LCMT1: variants seen among roughly 807,000 people sequenced by gnomAD.
LCMT1 encodes the protein leucine carboxyl methyltransferase 1, also known as [Phosphatase 2A protein]-leucine-carboxy methyltransferase 1.
A neutral mutation model predicts 47.7 loss-of-function variants in LCMT1; 32 were observed. The ratio of observed to expected loss-of-function variants is 0.67; its 90% CI spans 0.51 to 0.90. LCMT1 has a LOEUF of 0.90. Among genes scored for constraint, LCMT1 ranks in the 40% least tolerant of loss-of-function variants. The probability of loss-of-function intolerance (pLI) is 0.00; values close to 1 mark genes in which losing one functional copy is unlikely to be tolerated. For missense variants in LCMT1, 375 were observed against 415.2 expected (o/e 0.90, Z 0.84); for synonymous variants, 152 against 149.7 (o/e 1.02, Z -0.11).
At chr16:25,157,581 G>A (rs2141692306) in intron 5 of LCMT1, among the ~76,000 whole-genome samples, 1 of 152,214 alleles carries the variant, frequency 6.6e-6, no homozygotes, top group Middle Eastern at 3.4e-3. Flanking sequence ...AACTGATTAG[G>A]ACGATAAAGT....
intron 5 of LCMT1, among the ~76,000 whole-genome samples, chr16:25,152,434 T>C (rs564558930): frequency 6.6e-6 from 1 of 152,276 alleles, no homozygotes; most frequent in South Asian, 2.1e-4. Flanking sequence ...TTTTAGTCTA[T>C]AGTAGACTTT....
chr16:25,135,979 TA>T (rs1960491444), intron 3 of LCMT1, among the ~76,000 whole-genome samples: 1 of 150,816 alleles, frequency 6.6e-6, no homozygotes, highest in South Asian at 2.1e-4. Flanking sequence ...TGGTCCCAGC[TA>T]CTTGGGAGGT....
chr16:25,163,885 G>A (rs973342788), intron 6 of LCMT1, among the ~76,000 whole-genome samples: 6 of 152,180 alleles, frequency 3.9e-5, no homozygotes, highest in Non-Finnish European at 8.8e-5. Context: ...TTAGCTGGAT[G>A]TTCTTCTGCA....
intron 4 of LCMT1, chr16:25,148,293 A>C (rs1960935517): frequency 6.6e-6 from 1 of 152,256 alleles, no homozygotes; most frequent in South Asian, 2.1e-4. Context: ...TTAAACATAC[A>C]AAAAGGAAAA....
intron 8 of LCMT1, 46 bp downstream of exon 8, chr16:25,169,259 C>A: frequency 2.4e-6 from 3 of 1,244,610 alleles, no homozygotes; most frequent in South Asian, 1.2e-5. Context: ...CTTAGTCAAC[C>A]AAGATATATA....
At chr16:25,143,267 C>G (rs147184301) in intron 4 of LCMT1, 1 of 152,264 alleles carries the variant, frequency 6.6e-6, no homozygotes, top group East Asian at 1.9e-4. Flanking sequence ...AGGGGCCCTG[C>G]GGACCCTGAG....
In LCMT1 at chr16:25,111,872, A is replaced by C. The variant is rs1488580362; in HGVS notation, c.-12A>C. ...TCCCTGGCGGACACAGCTCCCAGGA[A>C]CCTCCACGCCCATGGCCACTAGGCA... On this transcript the variant is annotated 5_prime_UTR_variant, in exon 1 of 11. Transcript: ENST00000399069. The C allele has an allele frequency of 6.3e-7, 1 of 1,587,820 alleles. No individual in the cohort carries two copies. Among genetic ancestry groups the C allele is most frequent in the Non-Finnish European group, 8.6e-7 (1 of 1,158,146 alleles).
At chr16:25,120,418 T>C (rs1490571356) in intron 1 of LCMT1, among the ~76,000 whole-genome samples, 1 of 150,558 alleles carries the variant, frequency 6.6e-6, no homozygotes, top group Non-Finnish European at 1.5e-5. Context: ...TTGATTTCTT[T>C]TTTTTTCTTT....
chr16:25,128,698 C>T (rs1270220082), intron 2 of LCMT1, 132 bp downstream of exon 2: 2 of 665,796 alleles, frequency 3.0e-6, no homozygotes, highest in Non-Finnish European at 5.2e-6. Context: ...CAGATCTTCA[C>T]CAACACGGTG....
rs1962018890 is a variant in LCMT1 at position 25,178,216 on chromosome 16, T to G, written c.*193T>G. 1 of 571,786 alleles carries G rather than the reference T, an allele frequency of 1.7e-6. No individual in the cohort carries two copies. The highest frequency in any genetic ancestry group is 3.5e-5 in the Admixed American group (1 of 28,578). 35.4% of individuals were successfully genotyped at this position (571,786 alleles called of 1,614,324 possible). On this transcript the variant is annotated 3_prime_UTR_variant, in exon 11 of 11. Transcript: ENST00000399069. ...TGACATGTCGTTGTTTAAATAAATC[T>G]CACTTGCCACCAGTCGCCTGTGGTT...
At chr16:25,123,552 T>G (rs1434284234) in intron 1 of LCMT1, among the ~76,000 whole-genome samples, 1 of 151,498 alleles carries the variant, frequency 6.6e-6, no homozygotes, top group Non-Finnish European at 1.5e-5. Context: ...ATTTACACTT[T>G]AACATTGCAA....
chr16:25,151,976 G>A (rs554460063), intron 5 of LCMT1, among the ~76,000 whole-genome samples: 2 of 152,204 alleles, frequency 1.3e-5, no homozygotes, highest in South Asian at 2.1e-4. Context: ...TATGAAGGGC[G>A]AACTGTGTAT....
chr16:25,168,917 G>T (rs1282035030), intron 7 of LCMT1, among the ~76,000 whole-genome samples, 195 bp from the exon 8 acceptor site: 1 of 152,146 alleles, frequency 6.6e-6, no homozygotes, highest in Non-Finnish European at 1.5e-5. Context: ...ATCCTGCCCA[G>T]TTTCCCTTCC....
At position 25,178,030 on chromosome 16, in the gene LCMT1, G is replaced by A. The variant is rs374941384; in HGVS notation, c.*7G>A. ...GAAGGAGATAACTTATTAATCTGTCGAAGGCTTATGCCGAGCCAGAAGCCG... is the reference window on the plus strand; with the variant it reads ...GAAGGAGATAACTTATTAATCTGTCAAAGGCTTATGCCGAGCCAGAAGCCG... On this transcript the variant is annotated 3_prime_UTR_variant, in exon 11 of 11. Coordinates refer to ENST00000399069, the MANE Select transcript of LCMT1 (RefSeq NM_016309.3). The A allele has an allele frequency of 1.1e-5, 17 of 1,613,550 alleles. No individual in the cohort carries two copies. The African/African-American group carries it at 1.3e-4, about 13-fold the overall frequency.
At chr16:25,177,041 G>C (rs559340271) in intron 10 of LCMT1, among the ~76,000 whole-genome samples, 1 of 151,992 alleles carries the variant, frequency 6.6e-6, no homozygotes, top group Non-Finnish European at 1.5e-5. Context: ...TTAGCTGGGC[G>C]TGGTGGCACA....
intron 1 of LCMT1, among the ~76,000 whole-genome samples, chr16:25,112,387 T>C (rs1273309806): frequency 6.6e-6 from 1 of 152,060 alleles, no homozygotes; most frequent in Non-Finnish European, 1.5e-5. Context: ...CTTTAGGGGG[T>C]TGGTGTGATC....
At chr16:25,146,576 C>T (rs1467751398) in intron 4 of LCMT1, 1 of 152,294 alleles carries the variant, frequency 6.6e-6, no homozygotes, top group Non-Finnish European at 1.5e-5. Context: ...CTTGGTCAGT[C>T]TCCTCTTCTT....
chr16:25,161,332 T>A (rs1961426786), intron 6 of LCMT1, 128 bp downstream of exon 6: 1 of 543,054 alleles, frequency 1.8e-6, no homozygotes, highest in Non-Finnish European at 3.2e-6. Context: ...TATCATTTCA[T>A]TGCTACCTAG....
intron 1 of LCMT1, among the ~76,000 whole-genome samples, chr16:25,122,876 C>T (rs1960035182): frequency 1.3e-5 from 2 of 151,888 alleles, no homozygotes; most frequent in African/African-American, 4.8e-5. Flanking sequence ...GTCTCAAACT[C>T]CTGGGCTCAA....
Sources: allele counts gnomAD v4.1 joint callset (sites outside exome capture counted in the v4.1 genomes callset), GRCh38; gene constraint gnomAD v4.1.1; transcripts MANE v1.5; gene names NCBI Gene and HGNC (gene_info 2026-07-23, HGNC 2026-07-21).